The following MAML2 variants were observed in gnomAD, a reference collection of about 807,000 sequenced individuals.
MAML2 encodes the protein mastermind like transcriptional coactivator 2.
A neutral mutation model predicts 96.1 loss-of-function variants in MAML2; 22 were observed. That is an observed-to-expected ratio of 0.23 (90% CI 0.16 to 0.33). MAML2 has a LOEUF of 0.33. Among genes scored for constraint, MAML2 ranks in the 10% least tolerant of loss-of-function variants. The pLI is 1.00. For synonymous variants in MAML2, 561 were observed against 521.3 expected, an observed-to-expected ratio of 1.08 and a Z score of -1.04; for missense variants, 1,367 against 1,392.4, an observed-to-expected ratio of 0.98 and a Z score of 0.29.
intron 2 of MAML2, among the ~76,000 whole-genome samples, chr11:96,007,304 C>G (rs1201198822): frequency 7.6e-6 from 1 of 132,294 alleles, no homozygotes; most frequent in Non-Finnish European, 1.6e-5. Flanking sequence ...AGCCACCATG[C>G]CCAGCTGATA....
intron 1 of MAML2, among the ~76,000 whole-genome samples, chr11:96,108,888 G>A (rs150576499): frequency 7.2e-4 from 109 of 152,040 alleles, no homozygotes; most frequent in African/African-American, 2.5e-3. Flanking sequence ...CAAAAAATTA[G>A]CTATGCATGG....
chr11:96,165,790 A>G (rs1030138216), intron 1 of MAML2, among the ~76,000 whole-genome samples: 3 of 152,246 alleles, frequency 2.0e-5, no homozygotes, highest in African/African-American at 7.2e-5. Flanking sequence ...TACAATTTTA[A>G]AAACAGCATT....
At chr11:96,034,910 A>T (rs1858687806) in intron 2 of MAML2, among the ~76,000 whole-genome samples, 1 of 152,180 alleles carries the variant, frequency 6.6e-6, no homozygotes, top group African/African-American at 2.4e-5. Context: ...TTTTCAATAT[A>T]TGCCCTTAGT....
intron 1 of MAML2, among the ~76,000 whole-genome samples, chr11:96,340,588 T>G (rs1399829455): frequency 6.6e-6 from 1 of 152,256 alleles, no homozygotes; most frequent in Non-Finnish European, 1.5e-5. Flanking sequence ...GGGTTTGATA[T>G]CCTATCACCA....
At chr11:96,111,934 G>T (rs572020509) in intron 1 of MAML2, among the ~76,000 whole-genome samples, 6 of 113,868 alleles carry the variant, frequency 5.3e-5, no homozygotes, top group East Asian at 2.8e-4. Flanking sequence ...CATTCACAAG[G>T]TTAGTTTTCT....
chr11:96,225,733 C>T (rs948141160), intron 1 of MAML2, among the ~76,000 whole-genome samples: 5 of 151,394 alleles, frequency 3.3e-5, no homozygotes, highest in East Asian at 1.9e-4. Context: ...CTTGGGAGGC[C>T]GAGGCAGGAG....
intron 1 of MAML2, among the ~76,000 whole-genome samples, chr11:96,307,853 G>C (rs1448750293): frequency 2.0e-5 from 3 of 152,090 alleles, no homozygotes; most frequent in Admixed American, 1.3e-4. Flanking sequence ...ATTTTCATTT[G>C]ATGGCCCATG....
chr11:96,035,905 C>T (rs181447322), intron 2 of MAML2, among the ~76,000 whole-genome samples: 17 of 152,272 alleles, frequency 1.1e-4, no homozygotes, highest in African/African-American at 3.6e-4. Flanking sequence ...CTCTGATACA[C>T]GTGCTGGGCA....
chr11:96,047,375 C>A (rs1189534285), intron 2 of MAML2, among the ~76,000 whole-genome samples: 1 of 152,140 alleles, frequency 6.6e-6, no homozygotes, highest in Admixed American at 6.5e-5. Flanking sequence ...TAATAAAAAA[C>A]CTTGGGCAAA....
chr11:96,177,395 T>G (rs930749217), intron 1 of MAML2, among the ~76,000 whole-genome samples: 1 of 152,228 alleles, frequency 6.6e-6, no homozygotes, highest in Non-Finnish European at 1.5e-5. Flanking sequence ...CAGGCATGCA[T>G]GTGATATGTA....
At chr11:96,318,096 T>C (rs1189973180) in intron 1 of MAML2, among the ~76,000 whole-genome samples, 1 of 152,216 alleles carries the variant, frequency 6.6e-6, no homozygotes, top group Non-Finnish European at 1.5e-5. Flanking sequence ...TCATTTCTGA[T>C]AGCAACTTTT....
chr11:96,211,696 C>A (rs1293330345), intron 1 of MAML2, among the ~76,000 whole-genome samples: 1 of 152,078 alleles, frequency 6.6e-6, no homozygotes, highest in Non-Finnish European at 1.5e-5. Flanking sequence ...CACAGGGGCC[C>A]ACAGGGTACC....
At chr11:96,096,027 A>G (rs1859820719) in intron 1 of MAML2, among the ~76,000 whole-genome samples, 1 of 152,222 alleles carries the variant, frequency 6.6e-6, no homozygotes, top group Non-Finnish European at 1.5e-5. Context: ...GGTCAGGAAG[A>G]ACACAGACCA....
At chr11:96,177,272 T>C (rs775636197) in intron 1 of MAML2, among the ~76,000 whole-genome samples, 4 of 152,186 alleles carry the variant, frequency 2.6e-5, no homozygotes, top group Non-Finnish European at 5.9e-5. Context: ...ATCATGTTAT[T>C]AAATGGGAAA....
At chr11:96,255,762 AACCTGGATCTGTGATGACCTC>A (rs1862656465) in intron 1 of MAML2, among the ~76,000 whole-genome samples, 1 of 152,084 alleles carries the variant, frequency 6.6e-6, no homozygotes, top group African/African-American at 2.4e-5. Flanking sequence ...AGACAGAAAG[AACCTGGATCTGTGATGACCTC>A]ATCATGCCCT....
intron 1 of MAML2, among the ~76,000 whole-genome samples, chr11:96,156,597 C>T (rs1470776795): frequency 6.6e-6 from 1 of 152,184 alleles, no homozygotes; most frequent in East Asian, 1.9e-4. Context: ...CTAAGCCTTT[C>T]ATGCTTCATT....
intron 1 of MAML2, among the ~76,000 whole-genome samples, chr11:96,154,528 C>T (rs1860979715): frequency 6.6e-6 from 1 of 152,162 alleles, no homozygotes; most frequent in Non-Finnish European, 1.5e-5. Context: ...AGTGCTTATC[C>T]TGACTTTGTA....
intron 1 of MAML2, among the ~76,000 whole-genome samples, chr11:96,239,080 C>T (rs1862399478): frequency 6.6e-6 from 1 of 152,230 alleles, no homozygotes; most frequent in African/African-American, 2.4e-5. Context: ...GGGAATCACA[C>T]TAACATTTTA....
chr11:96,057,439 A>G (rs1859087712), intron 2 of MAML2, among the ~76,000 whole-genome samples: 1 of 152,094 alleles, frequency 6.6e-6, no homozygotes, highest in Non-Finnish European at 1.5e-5. Flanking sequence ...GCATCTATCC[A>G]TTTCTCCATC....
Sources: gnomAD v4.1 joint callset for allele counts (sites outside exome capture counted in the v4.1 genomes callset) on GRCh38, gnomAD v4.1.1 for gene constraint, MANE v1.5 for transcripts, NCBI Gene and HGNC (gene_info 2026-07-23, HGNC 2026-07-21) for gene names.